EPHB1: variants seen among roughly 807,000 people sequenced by gnomAD.
The protein encoded by EPHB1 is EPH receptor B1.
A neutral mutation model predicts 94.4 loss-of-function variants in EPHB1; 30 were observed. That is an observed-to-expected ratio of 0.32 (90% CI 0.24 to 0.43). EPHB1 has a LOEUF of 0.43. EPHB1 is among the 20% of genes least tolerant of loss of function. The probability of loss-of-function intolerance (pLI) is 1.00; values close to 1 mark genes in which losing one functional copy is unlikely to be tolerated. For missense variants in EPHB1, 1,055 were observed against 1,308.3 expected, an observed-to-expected ratio of 0.81 and a Z score of 2.99; for synonymous variants, 522 against 489.1, an observed-to-expected ratio of 1.07 and a Z score of -0.89.
intron 3 of EPHB1, among the ~76,000 whole-genome samples, chr3:134,992,711 G>A (rs1214662440): frequency 6.6e-6 from 1 of 152,104 alleles, no homozygotes; most frequent in Non-Finnish European, 1.5e-5. Flanking sequence ...GAGACGGGGA[G>A]CCTTGTTGTC....
chr3:134,971,705 A>T (rs567915244), intron 3 of EPHB1, among the ~76,000 whole-genome samples: 2 of 152,262 alleles, frequency 1.3e-5, no homozygotes, highest in South Asian at 4.1e-4. Context: ...TGCCCTGCAG[A>T]TGCAGCAGAT....
Position 134,951,464 on chromosome 3 carries a change from C to A in EPHB1, c.217C>A (p.Leu73Ile). 6.2e-7 allele frequency: 1 copy of A among 1,613,296 alleles called. No homozygotes were observed. Among genetic ancestry groups the A allele is most frequent in the South Asian group, 1.1e-5 (1 of 90,966 alleles). ...VFEPNQNNWL[L>I]TTFINRRGAH... ...CGAGCCCAACCAGAACAATTGGCTGCTCACCACCTTCATCAACCGGCGGGG... is the reference window on the plus strand; with the variant it reads ...CGAGCCCAACCAGAACAATTGGCTGATCACCACCTTCATCAACCGGCGGGG... Residue 73 changes from leucine to isoleucine, a missense_variant, in exon 3 of 16, where the codon CTC becomes ATC. Coordinates refer to ENST00000398015, the MANE Select transcript of EPHB1 (RefSeq NM_004441.5). The surrounding 1 kb of genome is among the most constrained non-coding windows in gnomAD (Gnocchi z 4.5).
chr3:135,183,026 TTTTCTTTC>T (rs373601553), intron 10 of EPHB1, among the ~76,000 whole-genome samples: 1,326 of 94,352 alleles, frequency 0.014, 21 homozygotes, highest in Non-Finnish European at 0.017. Flanking sequence ...TTTTCTTTTC[TTTTCTTTC>T]TTTCTTTCTT....
intron 1 of EPHB1, among the ~76,000 whole-genome samples, chr3:134,799,978 C>T (rs992310285): frequency 6.6e-6 from 1 of 152,154 alleles, no homozygotes; most frequent in African/African-American, 2.4e-5. Flanking sequence ...GTAGAAACTA[C>T]ATGTTCTTTA....
chr3:134,811,242 G>GGTTTTTTTTTTT (rs2036168294), intron 1 of EPHB1, among the ~76,000 whole-genome samples: 1 of 73,850 alleles, frequency 1.4e-5, no homozygotes, highest in African/African-American at 4.2e-5. Context: ...TACTAAGAAG[G>GGTTTTTTTTTTT]TTTTTTTTTT....
intron 5 of EPHB1, among the ~76,000 whole-genome samples, chr3:135,150,458 C>T (rs1941158924): frequency 6.6e-6 from 1 of 152,226 alleles, no homozygotes. Flanking sequence ...CCCGTGATTG[C>T]AAGGTGTTGG....
chr3:135,019,453 T>C (rs1239771203), intron 3 of EPHB1, among the ~76,000 whole-genome samples: 1 of 152,174 alleles, frequency 6.6e-6, no homozygotes, highest in South Asian at 2.1e-4. Flanking sequence ...TGCCTGTAGA[T>C]GAATATGTCA....
At chr3:135,037,697 T>C (rs995088393) in intron 3 of EPHB1, among the ~76,000 whole-genome samples, 1 of 152,246 alleles carries the variant, frequency 6.6e-6, no homozygotes, top group Admixed American at 6.5e-5. Context: ...TATCTCAGAT[T>C]CACTTTGGAT....
intron 12 of EPHB1, among the ~76,000 whole-genome samples, chr3:135,237,362 T>C (rs1220763454): frequency 1.3e-5 from 2 of 152,008 alleles, no homozygotes; most frequent in Non-Finnish European, 2.9e-5. Context: ...AAGACATAAT[T>C]TTTCTGAAGC....
intron 3 of EPHB1, among the ~76,000 whole-genome samples, chr3:135,085,247 T>A (rs1164345146): frequency 6.6e-6 from 1 of 152,186 alleles, no homozygotes; most frequent in Non-Finnish European, 1.5e-5. Context: ...ACCCTGACTT[T>A]GAGGAATTCC....
intron 4 of EPHB1, among the ~76,000 whole-genome samples, chr3:135,128,700 C>G (rs1940305906): frequency 6.6e-6 from 1 of 152,138 alleles, no homozygotes; most frequent in Non-Finnish European, 1.5e-5. Flanking sequence ...TTAGTTTTCT[C>G]TCACTGGAAT....
intron 3 of EPHB1, among the ~76,000 whole-genome samples, chr3:134,981,027 G>A (rs1934381956): frequency 1.3e-5 from 2 of 152,200 alleles, no homozygotes; most frequent in African/African-American, 4.8e-5. Context: ...TAAGCACAGG[G>A]CAAGCAGGGT....
intron 4 of EPHB1, among the ~76,000 whole-genome samples, chr3:135,127,944 C>T (rs555289947): frequency 1.5e-4 from 23 of 152,140 alleles, no homozygotes; most frequent in Non-Finnish European, 2.9e-4. Flanking sequence ...CCCTCCTCAC[C>T]CAAACAGAAA....
intron 1 of EPHB1, chr3:134,841,638 C>T (rs2036780333): frequency 6.6e-6 from 1 of 152,216 alleles, no homozygotes; most frequent in Non-Finnish European, 1.5e-5. Context: ...CTGACTGAAA[C>T]TATGAGAAGA....
chr3:135,217,253 A>C (rs36119343), intron 12 of EPHB1, among the ~76,000 whole-genome samples: 1 of 151,690 alleles, frequency 6.6e-6, no homozygotes, highest in Non-Finnish European at 1.5e-5. Context: ...AGTGCTGAGG[A>C]TAGGCATCAC....
intron 12 of EPHB1, among the ~76,000 whole-genome samples, chr3:135,229,381 C>A (rs963011650): frequency 2.6e-5 from 4 of 152,164 alleles, no homozygotes; most frequent in Non-Finnish European, 4.4e-5. Flanking sequence ...AAGTGCAGTT[C>A]AGGAGGCCAG....
chr3:135,163,393 GTC>G (rs1397045810), intron 7 of EPHB1, among the ~76,000 whole-genome samples: 1 of 152,174 alleles, frequency 6.6e-6, no homozygotes, highest in Non-Finnish European at 1.5e-5. Context: ...GATGTGAACC[GTC>G]TGGCCCCTGT....
intron 9 of EPHB1, among the ~76,000 whole-genome samples, chr3:135,173,151 C>G (rs1429516150): frequency 6.6e-6 from 1 of 150,806 alleles, no homozygotes; most frequent in East Asian, 2.0e-4. Context: ...TCTCCTGCCT[C>G]AGCCTCCCAA....
At position 135,257,338 on chromosome 3, in the gene EPHB1, C is replaced by G. The variant is rs150572255; in HGVS notation, c.2847-1674C>G. ...CTTTTCTGTTCTGTTTTTTCCCCATCTTTGTGGTTTTATCTACTTTTGGTC... is the reference window on the plus strand; with the variant it reads ...CTTTTCTGTTCTGTTTTTTCCCCATGTTTGTGGTTTTATCTACTTTTGGTC... On this transcript the variant is annotated intron_variant, in intron 15 of 15. Coordinates refer to ENST00000398015, the MANE Select transcript of EPHB1 (RefSeq NM_004441.5). Among the ~76,000 whole-genome samples the G allele has an allele frequency of 2.6e-3, 395 of 152,242 alleles. 2 individuals are homozygous for G. Among genetic ancestry groups the G allele is most frequent in the African/African-American group, 9.0e-3 (373 of 41,544 alleles).
Sources: gnomAD v4.1 joint callset for allele counts (sites outside exome capture counted in the v4.1 genomes callset) on GRCh38, gnomAD v4.1.1 for gene constraint, Gnocchi (gnomAD v3.1) non-coding constraint, MANE v1.5 for transcripts, NCBI Gene and HGNC (gene_info 2026-07-23, HGNC 2026-07-21) for gene names.